USP49: variants seen among roughly 807,000 people sequenced by gnomAD.
The protein encoded by USP49 is ubiquitin specific peptidase 49, also known as ubiquitin carboxyl-terminal hydrolase 49.
In USP49, 24 loss-of-function variants were observed where a neutral mutation model predicts 58.6. The ratio of observed to expected loss-of-function variants is 0.41; its 90% CI spans 0.30 to 0.58. The LOEUF (loss-of-function observed/expected upper bound fraction) is 0.58. Among genes scored for constraint, USP49 ranks in the 20% least tolerant of loss-of-function variants. The pLI is 0.30. For synonymous variants in USP49, 408 were observed against 365.1 expected, an observed-to-expected ratio of 1.12 and a Z score of -1.34; for missense variants, 703 against 866.1, an observed-to-expected ratio of 0.81 and a Z score of 2.36.
At chr6:41,821,647 G>A (rs1472113687) in intron 3 of USP49, among the ~76,000 whole-genome samples, 6 of 152,020 alleles carry the variant, frequency 3.9e-5, no homozygotes, top group South Asian at 4.1e-4. Context: ...GGTGGTGGGC[G>A]CCTGTAATCC....
intron 3 of USP49, among the ~76,000 whole-genome samples, chr6:41,864,245 A>T (rs972125144): frequency 6.6e-6 from 1 of 152,184 alleles, no homozygotes; most frequent in East Asian, 1.9e-4. Flanking sequence ...AAGGGGTTTT[A>T]AAAAGGGCAT....
intron 2 of USP49, among the ~76,000 whole-genome samples, chr6:41,880,057 A>G (rs1283007535): frequency 6.6e-6 from 1 of 152,236 alleles, no homozygotes; most frequent in Non-Finnish European, 1.5e-5. Context: ...CAGATTTTAC[A>G]GAAAGCTGAG....
At chr6:41,844,021 G>T (rs892919848) in intron 3 of USP49, among the ~76,000 whole-genome samples, 2 of 152,092 alleles carry the variant, frequency 1.3e-5, no homozygotes, top group African/African-American at 4.8e-5. Context: ...TCCAGCCTGG[G>T]CAACAAGAGC....
At chr6:41,860,262 A>G (rs1259338591) in intron 3 of USP49, among the ~76,000 whole-genome samples, 2 of 151,246 alleles carry the variant, frequency 1.3e-5, no homozygotes, top group African/African-American at 4.9e-5. Flanking sequence ...GCAAGGAGAG[A>G]GGGAGGGAGG....
chr6:41,833,799 G>A lies in USP49; in HGVS notation c.-28-26788C>T, dbSNP rs1397567227. Among the ~76,000 whole-genome samples the A allele has an allele frequency of 5.3e-5, 8 of 152,320 alleles. No homozygotes were observed. In the South Asian group the frequency reaches 1.2e-3, roughly 24 times the overall value. ...AAAGGGCCAAATGATGAGGTTTGGG[G>A]TGATAGTACATTTGGAAAACCCTAT... On this transcript the variant is annotated intron_variant, in intron 3 of 7. Coordinates refer to ENST00000682992, the MANE Select transcript of USP49 (RefSeq NM_001286554.2).
In USP49 at chr6:41,880,746, G is replaced by A. The variant is rs147357196; in HGVS notation, c.-102-9109C>T. Among the ~76,000 whole-genome samples, 649 of 152,076 alleles carry A rather than the reference G, an allele frequency of 4.3e-3. 3 individuals are homozygous for A. The highest frequency in any genetic ancestry group is 7.5e-3 in the Non-Finnish European group (512 of 67,988). The stretch of plus-strand genomic sequence containing the variant: ...ATGCACCTTTTTCTCAGGAGCTTCT[G>A]GGGGACATGCTCCACACAAATTAAA... On this transcript the variant is annotated intron_variant, in intron 2 of 7. Transcript: ENST00000682992.
At chr6:41,870,605 T>C (rs1774396386) in intron 3 of USP49, among the ~76,000 whole-genome samples, 1 of 151,830 alleles carries the variant, frequency 6.6e-6, no homozygotes, top group East Asian at 1.9e-4. Context: ...GGAATGATTA[T>C]AGCTCACTAC....
intron 3 of USP49, among the ~76,000 whole-genome samples, chr6:41,866,979 G>C (rs1335801068): frequency 6.6e-6 from 1 of 152,288 alleles, no homozygotes; most frequent in East Asian, 1.9e-4. Flanking sequence ...AAAAAAGATG[G>C]AGAGAAAAAG....
In USP49 at chr6:41,853,999, C is replaced by CG. The variant is rs1554146802; in HGVS notation, c.-29+17564dup. 3.1e-3 allele frequency among the ~76,000 whole-genome samples: 184 copies of CG among 58,860 alleles called. 3 individuals carry two copies. Among genetic ancestry groups the CG allele is most frequent in the Non-Finnish European group, 4.4e-3 (154 of 34,992 alleles). 38.6% of individuals were successfully genotyped at this position (58,860 alleles called of 152,430 possible). A position where few individuals can be genotyped will look rare whatever the true frequency, so the allele number is the denominator to read the frequency against. Reference sequence around the variant, plus strand: ...GGGCAACAACAGCGAGACTCTGTCTCGAAAAAAAAAAAAAAAAAAAAAAAG... The same window carrying CG: ...GGGCAACAACAGCGAGACTCTGTCTCGGAAAAAAAAAAAAAAAAAAAAAAAG... On this transcript the variant is annotated intron_variant, in intron 3 of 7. Coordinates refer to ENST00000682992, the MANE Select transcript of USP49 (RefSeq NM_001286554.2).
At chr6:41,855,761 T>C (rs758600791) in intron 3 of USP49, among the ~76,000 whole-genome samples, 4 of 152,074 alleles carry the variant, frequency 2.6e-5, no homozygotes, top group Non-Finnish European at 5.9e-5. Context: ...AAACTTGTAA[T>C]ATTAGGCCAG....
chr6:41,845,309 A>G (rs1773903272), intron 3 of USP49, among the ~76,000 whole-genome samples: 1 of 152,120 alleles, frequency 6.6e-6, no homozygotes, highest in African/African-American at 2.4e-5. Flanking sequence ...AGGCCGAGGC[A>G]GGCAGATCAC....
intron 3 of USP49, among the ~76,000 whole-genome samples, chr6:41,831,942 T>A (rs1003779645): frequency 6.6e-6 from 1 of 152,228 alleles, no homozygotes; most frequent in African/African-American, 2.4e-5. Context: ...CTTCCTCTTC[T>A]GTACTAACCC....
intron 3 of USP49, among the ~76,000 whole-genome samples, chr6:41,853,724 C>G (rs1199800681): frequency 6.6e-6 from 1 of 150,644 alleles, no homozygotes; most frequent in Non-Finnish European, 1.5e-5. Flanking sequence ...AGGCCAGGCA[C>G]AGTGGCTCAC....
intron 3 of USP49, among the ~76,000 whole-genome samples, chr6:41,808,386 C>CA (rs1369881334): frequency 2.7e-5 from 4 of 150,884 alleles, no homozygotes. Flanking sequence ...GCAATTTCTC[C>CA]AAGGGAAAGA....
At chr6:41,892,414 T>C (rs1774824874) in intron 1 of USP49, among the ~76,000 whole-genome samples, 1 of 152,208 alleles carries the variant, frequency 6.6e-6, no homozygotes, top group East Asian at 1.9e-4. Context: ...TCAAAGTTAT[T>C]CTTCATCTTG....
In USP49 at chr6:41,802,475, ATTTAT is replaced by A. The variant is rs1561902747; in HGVS notation, c.1561+1326_1561+1330del. On this transcript the variant is annotated intron_variant, in intron 5 of 7. Transcript: ENST00000682992. ...TTATTTATTTATTTATTTATTTTTT[ATTTAT>A]TTTTTTTTTTTGAGACAGCATCTCG... Among the ~76,000 whole-genome samples the A allele has an allele frequency of 1.9e-3, 127 of 66,604 alleles. 8 individuals are homozygous for A. The highest frequency in any genetic ancestry group is 8.7e-3 in the African/African-American group (120 of 13,836). 43.7% of individuals were successfully genotyped at this position (66,604 alleles called of 152,430 possible). A position where few individuals can be genotyped will look rare whatever the true frequency, so the allele number is the denominator to read the frequency against.
intron 3 of USP49, among the ~76,000 whole-genome samples, chr6:41,832,306 A>T (rs1773648381): frequency 6.6e-6 from 1 of 152,236 alleles, no homozygotes; most frequent in African/African-American, 2.4e-5. Flanking sequence ...CTGTGATGAT[A>T]GCTCATTTAA....
At chr6:41,812,492 G>A (rs372160117) in intron 3 of USP49, among the ~76,000 whole-genome samples, 19 of 151,632 alleles carry the variant, frequency 1.3e-4, no homozygotes, top group African/African-American at 4.1e-4. Flanking sequence ...AGGAGATCGA[G>A]ACCATCCTGG....
chr6:41,860,823 A>T (rs1582026644), intron 3 of USP49, among the ~76,000 whole-genome samples: 3 of 151,788 alleles, frequency 2.0e-5, no homozygotes, highest in East Asian at 2.0e-4. Context: ...TATTATTATT[A>T]TTTTTTAAAG....
Sources: allele counts gnomAD v4.1 joint callset (sites outside exome capture counted in the v4.1 genomes callset), GRCh38; gene constraint gnomAD v4.1.1; transcripts MANE v1.5; gene names NCBI Gene and HGNC (gene_info 2026-07-23, HGNC 2026-07-21).